The following MED13L variants were observed in gnomAD, a reference collection of about 807,000 sequenced individuals.
MED13L encodes the protein mediator of RNA polymerase II transcription subunit 13-like.
MED13L carries 7 observed loss-of-function variants against 220.9 expected under a neutral mutation model. The observed-to-expected ratio is 0.03, with a 90% CI of 0.02 to 0.06. MED13L has a LOEUF of 0.06. MED13L is among the 10% of genes least tolerant of loss of function. The probability of loss-of-function intolerance (pLI) is 1.00; values close to 1 mark genes in which losing one functional copy is unlikely to be tolerated. For synonymous variants in MED13L, 1,011 were observed against 1,015.2 expected (o/e 1.00, Z 0.08); for missense variants, 1,965 against 2,760.5 (o/e 0.71, Z 6.46).
intron 4 of MED13L, among the ~76,000 whole-genome samples, chr12:116,025,803 G>A (rs1880352753): frequency 6.6e-6 from 1 of 152,124 alleles, no homozygotes; most frequent in Non-Finnish European, 1.5e-5. Context: ...TTGCACAGTA[G>A]GGTAACTAGT....
chr12:116,242,616 A>AT (rs1276395487), intron 1 of MED13L, among the ~76,000 whole-genome samples: 3 of 152,178 alleles, frequency 2.0e-5, no homozygotes, highest in Admixed American at 6.5e-5. Context: ...CAACATCATT[A>AT]TTTACCAAGC....
At chr12:116,254,449 C>CA (rs34117767) in intron 1 of MED13L, among the ~76,000 whole-genome samples, 3 of 151,872 alleles carry the variant, frequency 2.0e-5, no homozygotes, top group Admixed American at 2.0e-4. Context: ...GTAAACATGT[C>CA]AAAAAATACT....
chr12:116,248,799 TAC>T (rs1396266208), intron 1 of MED13L, among the ~76,000 whole-genome samples: 2 of 152,226 alleles, frequency 1.3e-5, no homozygotes, highest in African/African-American at 4.8e-5. Flanking sequence ...TAGGATAACA[TAC>T]ACAGACAAAT....
At chr12:116,052,070 T>TAC (rs1449321780) in intron 4 of MED13L, among the ~76,000 whole-genome samples, 1 of 101,356 alleles carries the variant, frequency 9.9e-6, no homozygotes, top group Non-Finnish European at 2.6e-5. Flanking sequence ...TGTACTTACC[T>TAC]ACACACATAC....
intron 2 of MED13L, among the ~76,000 whole-genome samples, chr12:116,116,738 T>C (rs927435222): frequency 2.6e-5 from 4 of 151,720 alleles, no homozygotes; most frequent in Non-Finnish European, 4.4e-5. Flanking sequence ...AGTGTCAGAA[T>C]TGAATTGAAT....
chr12:116,257,047 G>A (rs540937678), intron 1 of MED13L, among the ~76,000 whole-genome samples: 18 of 152,094 alleles, frequency 1.2e-4, no homozygotes, highest in African/African-American at 3.6e-4. Flanking sequence ...TCGTTTAGAG[G>A]TATACACAAT....
chr12:116,200,110 A>G (rs1022024754), intron 2 of MED13L, among the ~76,000 whole-genome samples: 1 of 151,904 alleles, frequency 6.6e-6, no homozygotes, highest in Non-Finnish European at 1.5e-5. Flanking sequence ...AAGAAGAAGG[A>G]AAAAGCAAAC....
chr12:115,992,391 T>G, intron 16 of MED13L, among the ~76,000 whole-genome samples: 1 of 146,600 alleles, frequency 6.8e-6, no homozygotes, highest in East Asian at 2.0e-4. Flanking sequence ...TGCAATTACA[T>G]TTTTGTCATT....
Position 116,008,793 on chromosome 12 carries a change from C to T in MED13L, c.1620G>A (p.Met540Ile), listed in dbSNP as rs1566007560. Residue 540 changes from methionine to isoleucine, a missense_variant, in exon 10 of 31, where the codon ATG becomes ATA. Met to Ile is a conservative substitution (Grantham distance 10). This residue lies in a region of MED13L where 818 missense variants were observed against 1,041.2 expected (regional missense o/e 0.79). Transcript: ENST00000281928. ...GAGGTGAATCCATAGGATTCAGATT[C>T]ATTTGCTTGCTTGTATTTCTGGAAG... The part of the protein sequence containing the change: ...AVPSRNTSKQ[M>I]NLNPMDSPHS... The T allele has an allele frequency of 6.2e-7, 1 of 1,613,928 alleles. No homozygotes were observed. Among genetic ancestry groups the T allele is most frequent in the Non-Finnish European group, 8.5e-7 (1 of 1,179,988 alleles).
intron 4 of MED13L, among the ~76,000 whole-genome samples, chr12:116,042,923 T>A (rs1411602419): frequency 2.6e-5 from 4 of 152,212 alleles, no homozygotes; most frequent in Admixed American, 2.0e-4. Flanking sequence ...GAAGTCTCAG[T>A]TCAATTCTTT....
intron 1 of MED13L, among the ~76,000 whole-genome samples, chr12:116,255,928 A>T (rs2138536885): frequency 6.6e-6 from 1 of 152,366 alleles, no homozygotes; most frequent in South Asian, 2.1e-4. Context: ...AGGGACGCTC[A>T]GCCAGTATAA....
chr12:116,136,848 T>C (rs140772012), intron 2 of MED13L, among the ~76,000 whole-genome samples: 182 of 152,314 alleles, frequency 1.2e-3, no homozygotes, highest in African/African-American at 4.2e-3. Flanking sequence ...CTTCACAACA[T>C]AGTAACACAT....
intron 4 of MED13L, among the ~76,000 whole-genome samples, chr12:116,093,566 G>T (rs1872418439): frequency 6.6e-6 from 1 of 151,868 alleles, no homozygotes; most frequent in African/African-American, 2.4e-5. Context: ...TATTCTAACA[G>T]GGAGAACTCA....
intron 14 of MED13L, among the ~76,000 whole-genome samples, chr12:115,998,573 G>C (rs1311244541): frequency 2.0e-5 from 3 of 152,188 alleles, no homozygotes; most frequent in Non-Finnish European, 4.4e-5. Context: ...CTCTCAATGG[G>C]CCTACTTGCT....
intron 2 of MED13L, among the ~76,000 whole-genome samples, chr12:116,165,145 A>G (rs112608219): frequency 0.018 from 2,685 of 152,250 alleles, 45 homozygotes; most frequent in Non-Finnish European, 0.028. Context: ...AAGAACTGAC[A>G]TTCAGACTCC....
chr12:116,226,059 C>CT (rs35656992), intron 2 of MED13L, among the ~76,000 whole-genome samples: 64 of 137,952 alleles, frequency 4.6e-4, no homozygotes, highest in Admixed American at 1.7e-3. Context: ...TAATTTTTAT[C>CT]TTTTTTTTTT....
intron 1 of MED13L, among the ~76,000 whole-genome samples, chr12:116,273,824 C>A (rs1030919415): frequency 6.6e-6 from 1 of 152,214 alleles, no homozygotes; most frequent in African/African-American, 2.4e-5. Flanking sequence ...AAATCACTTT[C>A]TCCATATTAA....
Position 116,242,051 on chromosome 12 carries a change from T to C in MED13L, c.73-4346A>G, listed in dbSNP as rs557270155. Among the ~76,000 whole-genome samples the C allele has an allele frequency of 6.3e-3, 904 of 142,674 alleles. 4 individuals are homozygous for C. Among genetic ancestry groups the C allele is most frequent in the Non-Finnish European group, 0.01 (654 of 64,442 alleles). 93.6% of individuals were successfully genotyped at this position (142,674 alleles called of 152,430 possible). ...AGTGCACTCCAAGTTCTTTTGTCTT[T>C]TTTTTTTTTTTTTTTTTTGAGATGG... On this transcript the variant is annotated intron_variant, in intron 1 of 30. Coordinates refer to ENST00000281928, the MANE Select transcript of MED13L (RefSeq NM_015335.5).
intron 3 of MED13L, among the ~76,000 whole-genome samples, chr12:116,104,937 TCTTTTA>T (rs1873420379): frequency 6.6e-6 from 1 of 152,126 alleles, no homozygotes; most frequent in Admixed American, 6.5e-5. Flanking sequence ...TAAGAAAAAC[TCTTTTA>T]AGTTTTTGAA....
Sources: allele counts gnomAD v4.1 joint callset (sites outside exome capture counted in the v4.1 genomes callset), GRCh38; gene constraint gnomAD v4.1.1; regional missense constraint gnomAD v4.1.1; transcripts MANE v1.5; gene names NCBI Gene and HGNC (gene_info 2026-07-23, HGNC 2026-07-21).